Variants in SLC33A1 observed in about 807,000 individuals in gnomAD.
SLC33A1 encodes the protein acetyl-coenzyme A transporter 1.
SLC33A1 carries 20 observed loss-of-function variants against 50.0 expected under a neutral mutation model. The ratio of observed to expected loss-of-function variants is 0.40; its 90% CI spans 0.28 to 0.58. The LOEUF (loss-of-function observed/expected upper bound fraction) is 0.58, where lower values mean the gene tolerates loss of function less well. Ranked by LOEUF, SLC33A1 falls within the 20% of genes least tolerant of loss-of-function variation. The pLI is 0.44. For missense variants in SLC33A1, 476 were observed against 657.0 expected, an observed-to-expected ratio of 0.72 and a Z score of 3.01; for synonymous variants, 265 against 251.8, an observed-to-expected ratio of 1.05 and a Z score of -0.50.
chr3:155,850,824 C>T (rs1430043766), intron 1 of SLC33A1, among the ~76,000 whole-genome samples: 5 of 151,696 alleles, frequency 3.3e-5, no homozygotes, highest in African/African-American at 9.7e-5. Flanking sequence ...GCCATGTTGG[C>T]CAGGTTGGTC....
chr3:155,822,344 T>C lies in SLC33A1; in HGVS notation c.*5866A>G, dbSNP rs1752106285. The C allele has an allele frequency of 6.6e-6, 1 of 151,956 alleles. No homozygotes were observed. Among genetic ancestry groups the C allele is most frequent in the African/African-American group, 2.4e-5 (1 of 41,370 alleles). 9.4% of individuals were successfully genotyped at this position (151,956 alleles called of 1,614,324 possible). On this transcript the variant is annotated 3_prime_UTR_variant, in exon 6 of 6. Transcript: ENST00000643144. ...GGCTCACACCTGCAATCCCAGCACTTTGGGAGGCCGAGGCAGGCAGATCAC... is the reference window on the plus strand; with the variant it reads ...GGCTCACACCTGCAATCCCAGCACTCTGGGAGGCCGAGGCAGGCAGATCAC...
At position 155,821,867 on chromosome 3, in the gene SLC33A1, G is replaced by A. The variant is rs1166711797; in HGVS notation, c.*6343C>T. ...GGCTCACTGCAACATCCCTCTCTCA[G>A]GTTCAACCGATTCTCCTGCCTCAGC... On this transcript the variant is annotated 3_prime_UTR_variant, in exon 6 of 6. Transcript: ENST00000643144. The A allele has an allele frequency of 6.6e-6, 1 of 151,118 alleles. No homozygotes were observed. Among genetic ancestry groups the A allele is most frequent in the Non-Finnish European group, 1.5e-5 (1 of 68,010 alleles). 9.4% of individuals were successfully genotyped at this position (151,118 alleles called of 1,614,324 possible).
At chr3:155,835,397 T>C (rs1051114307) in intron 2 of SLC33A1, among the ~76,000 whole-genome samples, 1 of 152,120 alleles carries the variant, frequency 6.6e-6, no homozygotes, top group Admixed American at 6.6e-5. Context: ...CGGCAGAGCT[T>C]CCCTTCTAAC....
intron 2 of SLC33A1, among the ~76,000 whole-genome samples, chr3:155,835,976 A>T (rs985993250): frequency 2.1e-4 from 31 of 146,830 alleles, no homozygotes; most frequent in African/African-American, 7.2e-4. Flanking sequence ...ATATCACACA[A>T]TTTTTTTTTT....
chr3:155,825,762 C>T lies in SLC33A1; in HGVS notation c.*2448G>A, dbSNP rs1308967441. ...TAACTGGAGGAGTTAAAAGTCCATA[C>T]TTGAAGGTACTGTTTAATTTATCAG... On this transcript the variant is annotated 3_prime_UTR_variant, in exon 6 of 6. Coordinates refer to ENST00000643144, the MANE Select transcript of SLC33A1 (RefSeq NM_004733.4). 1.3e-5 allele frequency: 2 copies of T among 152,184 alleles called. No individual in the cohort carries two copies. The highest frequency in any genetic ancestry group is 2.1e-4 in the South Asian group (1 of 4,820). 9.4% of individuals were successfully genotyped at this position (152,184 alleles called of 1,614,324 possible).
chr3:155,821,354 T>C lies in SLC33A1; in HGVS notation c.*6856A>G, dbSNP rs908326828. 1 of 152,240 alleles carries C rather than the reference T, an allele frequency of 6.6e-6. No homozygotes were observed. The highest frequency in any genetic ancestry group is 1.5e-5 in the Non-Finnish European group (1 of 68,036). The allele number at this position is 152,240 out of a possible 1,614,324, so 9.4% of individuals were successfully genotyped here. A position where few individuals can be genotyped will look rare whatever the true frequency, so the allele number is the denominator to read the frequency against. On this transcript the variant is annotated 3_prime_UTR_variant, in exon 6 of 6. Coordinates refer to ENST00000643144, the MANE Select transcript of SLC33A1 (RefSeq NM_004733.4). ...AACAATGACAGCTTTCAACATTGAG[T>C]ATTTTTTCCAATTTTACACTAATTC...
chr3:155,843,230 TA>T (rs1167305211), intron 1 of SLC33A1, among the ~76,000 whole-genome samples: 1 of 152,178 alleles, frequency 6.6e-6, no homozygotes, highest in African/African-American at 2.4e-5. Flanking sequence ...AGGAAAGTGC[TA>T]GGGGTGGGAA....
At chr3:155,846,962 C>G (rs1182002336) in intron 1 of SLC33A1, among the ~76,000 whole-genome samples, 2 of 151,458 alleles carry the variant, frequency 1.3e-5, no homozygotes, top group African/African-American at 4.9e-5. Flanking sequence ...AATCCCAGCA[C>G]TTTGGAAGTC....
chr3:155,836,574 C>T (rs982844628), intron 2 of SLC33A1, among the ~76,000 whole-genome samples: 8 of 151,902 alleles, frequency 5.3e-5, no homozygotes, highest in African/African-American at 1.7e-4. Context: ...ATACACATAT[C>T]TAATAAAAGA....
chr3:155,852,290 C>A (rs985001449), intron 1 of SLC33A1, among the ~76,000 whole-genome samples: 3 of 151,666 alleles, frequency 2.0e-5, no homozygotes, highest in African/African-American at 7.3e-5. Flanking sequence ...AGACAGCCCC[C>A]CCGACCCCCA....
intron 5 of SLC33A1, among the ~76,000 whole-genome samples, 182 bp downstream of exon 5, chr3:155,829,506 T>C (rs1486850036): frequency 6.6e-6 from 1 of 152,152 alleles, no homozygotes. Context: ...GAACTAGTCT[T>C]GCTGATTTGA....
chr3:155,849,600 A>AG (rs753552700), intron 1 of SLC33A1, among the ~76,000 whole-genome samples: 44 of 150,068 alleles, frequency 2.9e-4, no homozygotes, highest in Non-Finnish European at 4.7e-4. Flanking sequence ...AAAAAAAAAA[A>AG]GGGGCAATTC....
intron 4 of SLC33A1, among the ~76,000 whole-genome samples, 195 bp downstream of exon 4, chr3:155,833,271 TAA>T (rs1752519105): frequency 6.6e-6 from 1 of 151,948 alleles, no homozygotes; most frequent in African/African-American, 2.4e-5. Context: ...AATAAATAAA[TAA>T]AAAAGTCTCT....
Position 155,853,711 on chromosome 3 carries a change from G to A in SLC33A1, c.287C>T (p.Pro96Leu), listed in dbSNP as rs1753508752. The A allele has an allele frequency of 6.2e-7, 1 of 1,614,004 alleles. No individual in the cohort carries two copies. Residue 96 changes from proline (P) to leucine (L), a missense_variant, in exon 1 of 6, where the codon CCA becomes CTA. Transcript: ENST00000643144. Reference protein sequence around the residue: ...GIPLGLAGSIPLILQSKNVSY... With the variant: ...GIPLGLAGSILLILQSKNVSY... ...AACATTTTTGCTTTGCAAAATGAGT[G>A]GGATGCTTCCCGCCAAGCCCAGGGG...
At chr3:155,847,800 A>G (rs1020823643) in intron 1 of SLC33A1, among the ~76,000 whole-genome samples, 2 of 152,060 alleles carry the variant, frequency 1.3e-5, no homozygotes, top group Non-Finnish European at 2.9e-5. Flanking sequence ...TCAATGTCTT[A>G]CAAATACTGT....
In SLC33A1 at chr3:155,828,180, A is replaced by T; in HGVS notation, c.*30T>A. 1 of 1,513,002 alleles carries T rather than the reference A, an allele frequency of 6.6e-7. No homozygotes were observed. The highest frequency in any genetic ancestry group is 9.2e-7 in the Non-Finnish European group (1 of 1,088,104). The allele number at this position is 1,513,002 out of a possible 1,614,324, so 93.7% of individuals were successfully genotyped here. A position where few individuals can be genotyped will look rare whatever the true frequency, so the allele number is the denominator to read the frequency against. On this transcript the variant is annotated 3_prime_UTR_variant, in exon 6 of 6. Transcript: ENST00000643144. ...TCCGAATTAAAACTAAACTACAATTACCTTGCTAGAATGTCCAGTAGCATA... is the reference window on the plus strand; with the variant it reads ...TCCGAATTAAAACTAAACTACAATTTCCTTGCTAGAATGTCCAGTAGCATA...
chr3:155,833,698 G>A, intron 3 of SLC33A1, 113 bp from the exon 4 acceptor site: 1 of 940,858 alleles, frequency 1.1e-6, no homozygotes, highest in South Asian at 1.3e-5. Flanking sequence ...AAACCTGTTA[G>A]GAGGTTAAAA....
rs74341957 is a variant in SLC33A1, at chr3:155,843,374, T to G, written c.776-755A>C. ...TACCTTATATTTTTAAACTTTCTAA[T>G]GCTTTCAATCTGTTTAAGAATAACC... On this transcript the variant is annotated intron_variant, in intron 1 of 5. Coordinates refer to ENST00000643144, the MANE Select transcript of SLC33A1 (RefSeq NM_004733.4). Among the ~76,000 whole-genome samples, 15 of 152,312 alleles carry G rather than the reference T, an allele frequency of 9.8e-5. No individual in the cohort carries two copies. In the East Asian group the frequency reaches 2.7e-3, roughly 27 times the overall value.
intron 2 of SLC33A1, 139 bp downstream of exon 2, chr3:155,842,293 A>G (rs1452601090): frequency 1.6e-6 from 1 of 606,672 alleles, no homozygotes; most frequent in African/African-American, 1.9e-5. Context: ...AATACATTTA[A>G]TAAACAGAAA....
Sources: allele counts gnomAD v4.1 joint callset (sites outside exome capture counted in the v4.1 genomes callset), GRCh38; gene constraint gnomAD v4.1.1; transcripts MANE v1.5; gene names NCBI Gene and HGNC (gene_info 2026-07-23, HGNC 2026-07-21).